LINGO2: variants seen among roughly 807,000 people sequenced by gnomAD.
The protein encoded by LINGO2 is leucine rich repeat and Ig domain containing 2, also known as leucine-rich repeat and immunoglobulin-like domain-containing nogo receptor-interacting protein 2.
A neutral mutation model predicts 30.6 loss-of-function variants in LINGO2; 14 were observed. The observed-to-expected ratio is 0.46, with a 90% CI of 0.30 to 0.72. LINGO2 has a LOEUF of 0.72. Ranked by LOEUF, LINGO2 falls within the 30% of genes least tolerant of loss-of-function variation. The pLI is 0.07. For missense variants in LINGO2, 729 were observed against 751.7 expected (o/e 0.97, Z 0.35); for synonymous variants, 317 against 288.5 (o/e 1.10, Z -1.00).
At chr9:28,536,606 C>T (rs1312793764) in intron 1 of LINGO2, among the ~76,000 whole-genome samples, 1 of 151,962 alleles carries the variant, frequency 6.6e-6, no homozygotes, top group African/African-American at 2.4e-5. Flanking sequence ...ATTGACATTG[C>T]CTTAACAGTT....
At chr9:28,131,302 T>C (rs1827372418) in intron 4 of LINGO2, among the ~76,000 whole-genome samples, 1 of 152,154 alleles carries the variant, frequency 6.6e-6, no homozygotes, top group Non-Finnish European at 1.5e-5. Flanking sequence ...CTGAGTCATA[T>C]GGATCTTTGG....
At chr9:28,071,035 G>A (rs1222753060) in intron 4 of LINGO2, among the ~76,000 whole-genome samples, 1 of 152,142 alleles carries the variant, frequency 6.6e-6, no homozygotes, top group Non-Finnish European at 1.5e-5. Flanking sequence ...TGTTTATAAA[G>A]TATATTGAGG....
At chr9:27,988,716 T>C (rs1821246848) in intron 5 of LINGO2, among the ~76,000 whole-genome samples, 1 of 151,784 alleles carries the variant, frequency 6.6e-6, no homozygotes, top group South Asian at 2.1e-4. Flanking sequence ...TCCCTATCTT[T>C]ATAACTGGCA....
chr9:28,883,777 A>G, the LINGO2 span, among the ~76,000 whole-genome samples: 1 of 149,788 alleles, frequency 6.7e-6, no homozygotes, highest in East Asian at 2.0e-4. Context: ...TCCAAGGTTC[A>G]AGCAATTCTC....
chr9:28,580,128 C>T (rs1824186233), intron 1 of LINGO2, among the ~76,000 whole-genome samples: 1 of 152,030 alleles, frequency 6.6e-6, no homozygotes. Context: ...CTCTTCAAAC[C>T]TTGTTTCTTC....
At chr9:28,333,765 A>G (rs28525615) in intron 3 of LINGO2, among the ~76,000 whole-genome samples, 9,422 of 152,234 alleles carry the variant, frequency 0.062, 375 homozygotes, top group South Asian at 0.094. Flanking sequence ...TACAACTACT[A>G]TGTAAGATAT....
the LINGO2 span, among the ~76,000 whole-genome samples, chr9:28,981,577 C>T: frequency 3.3e-5 from 5 of 152,060 alleles, no homozygotes; most frequent in South Asian, 6.2e-4. Context: ...AAACTTATCC[C>T]GATACCACTG....
intron 4 of LINGO2, among the ~76,000 whole-genome samples, chr9:28,223,537 C>A (rs886966050): frequency 2.0e-5 from 3 of 152,154 alleles, no homozygotes; most frequent in Non-Finnish European, 4.4e-5. Flanking sequence ...ACCACAGCAG[C>A]AAATCAATGT....
chr9:28,499,955 A>G (rs991792455), intron 1 of LINGO2, among the ~76,000 whole-genome samples: 14 of 152,302 alleles, frequency 9.2e-5, no homozygotes, highest in African/African-American at 3.4e-4. Flanking sequence ...CTTTGATGGT[A>G]GTCAGTTAAA....
chr9:28,927,757 T>C, the LINGO2 span, among the ~76,000 whole-genome samples: 644 of 152,318 alleles, frequency 4.2e-3, 5 homozygotes, highest in African/African-American at 0.014. Flanking sequence ...GCTGTAGGCA[T>C]TTATATATGT....
At chr9:28,957,044 T>C in the LINGO2 span, among the ~76,000 whole-genome samples, 1 of 152,032 alleles carries the variant, frequency 6.6e-6, no homozygotes, top group East Asian at 2.0e-4. Flanking sequence ...GCACAGGAAA[T>C]TGTCCCCTAA....
chr9:28,772,808 G>A, the LINGO2 span, among the ~76,000 whole-genome samples: 1 of 152,094 alleles, frequency 6.6e-6, no homozygotes, highest in Non-Finnish European at 1.5e-5. Context: ...AGTGAAGGAG[G>A]AGTTCTGAAG....
chr9:28,815,572 A>C, the LINGO2 span, among the ~76,000 whole-genome samples: 6 of 152,342 alleles, frequency 3.9e-5, no homozygotes, highest in African/African-American at 1.4e-4. Context: ...CACCTCTAAA[A>C]TGAAATGTAG....
chr9:28,067,548 C>A (rs1366321157), intron 4 of LINGO2, among the ~76,000 whole-genome samples: 1 of 152,062 alleles, frequency 6.6e-6, no homozygotes, highest in Non-Finnish European at 1.5e-5. Flanking sequence ...TGACCTCGGA[C>A]GATGTACTTT....
chr9:28,601,976 A>G lies in LINGO2; in HGVS notation c.-365+68224T>C, dbSNP rs77798254. Among the ~76,000 whole-genome samples, 40 of 152,202 alleles carry G rather than the reference A, an allele frequency of 2.6e-4. 2 individuals carry two copies. The East Asian group carries it at 7.7e-3, about 29-fold the overall frequency. ...GGCTGAAGAACTTCAAAGGTATAAC[A>G]TTTTTCTCAGGTTGCATTCTCAAGA... On this transcript the variant is annotated intron_variant, in intron 1 of 5. Coordinates refer to ENST00000379992, the Ensembl canonical transcript of LINGO2.
At chr9:28,564,881 A>G (rs1009471263) in intron 1 of LINGO2, among the ~76,000 whole-genome samples, 11 of 152,060 alleles carry the variant, frequency 7.2e-5, no homozygotes, top group African/African-American at 2.7e-4. Flanking sequence ...AGTGCCGATT[A>G]TACATCATTG....
At chr9:28,785,566 C>T in the LINGO2 span, among the ~76,000 whole-genome samples, 13 of 152,188 alleles carry the variant, frequency 8.5e-5, no homozygotes, top group African/African-American at 2.6e-4. Context: ...GAGTTTACTG[C>T]GATATTTGCA....
intron 4 of LINGO2, among the ~76,000 whole-genome samples, chr9:28,239,371 G>A (rs1019699325): frequency 6.6e-6 from 1 of 152,004 alleles, no homozygotes; most frequent in South Asian, 2.1e-4. Flanking sequence ...GATGAATATT[G>A]ATTCAAAAAT....
chr9:28,960,851 A>C, the LINGO2 span, among the ~76,000 whole-genome samples: 871 of 151,784 alleles, frequency 5.7e-3, 91 homozygotes, highest in East Asian at 0.16. Context: ...AAGTAAATTT[A>C]TTAATTCATT....
Sources: gnomAD v4.1 joint callset for allele counts (sites outside exome capture counted in the v4.1 genomes callset) on GRCh38, gnomAD v4.1.1 for gene constraint, MANE v1.5 for transcripts, NCBI Gene and HGNC (gene_info 2026-07-23, HGNC 2026-07-21) for gene names.